Variants in SGCD observed in about 807,000 individuals in gnomAD.
The protein encoded by SGCD is delta-sarcoglycan.
Under a neutral mutation model 36.6 loss-of-function variants are expected in SGCD, and 18 were observed. That is an observed-to-expected ratio of 0.49 (90% CI 0.34 to 0.73). The LOEUF (loss-of-function observed/expected upper bound fraction) is 0.73, where lower values mean the gene tolerates loss of function less well. Among genes scored for constraint, SGCD ranks in the 30% least tolerant of loss-of-function variants. The pLI is 0.01. For synonymous variants in SGCD, 133 were observed against 130.6 expected, an observed-to-expected ratio of 1.02 and a Z score of -0.12; for missense variants, 387 against 346.7, an observed-to-expected ratio of 1.12 and a Z score of -0.92.
intron 3 of SGCD, among the ~76,000 whole-genome samples, chr5:156,311,772 A>G (rs1391671507): frequency 1.3e-5 from 2 of 152,106 alleles, no homozygotes; most frequent in African/African-American, 2.4e-5. Context: ...GAAAACACTC[A>G]CCTAATATCA....
At chr5:156,095,593 G>A (rs1761355557) in intron 1 of SGCD, among the ~76,000 whole-genome samples, 1 of 152,122 alleles carries the variant, frequency 6.6e-6, no homozygotes, top group Non-Finnish European at 1.5e-5. Context: ...CTTTAGACAG[G>A]GTTACCCATT....
At chr5:155,798,013 C>G in the SGCD span, among the ~76,000 whole-genome samples, 2 of 152,138 alleles carry the variant, frequency 1.3e-5, no homozygotes, top group Admixed American at 1.3e-4. Flanking sequence ...TTGTTCCTCA[C>G]CCACTGGGAA....
chr5:156,760,029 G>T lies in SGCD; in HGVS notation c.*639G>T, dbSNP rs1757471549. 6.6e-6 allele frequency: 1 copy of T among 152,164 alleles called. No homozygotes were observed. Among genetic ancestry groups the T allele is most frequent in the African/African-American group, 2.4e-5 (1 of 41,428 alleles). The allele number at this position is 152,164 out of a possible 1,614,324, so 9.4% of individuals were successfully genotyped here. A position where few individuals can be genotyped will look rare whatever the true frequency, so the allele number is the denominator to read the frequency against. On this transcript the variant is annotated 3_prime_UTR_variant, in exon 9 of 9. Coordinates refer to ENST00000337851, the MANE Select transcript of SGCD (RefSeq NM_000337.6). Reference sequence around the variant, plus strand: ...CATATTGGGGTTTTTGTAGTTGAATGAATGAGGAGGATGAATTTCAGCAAA... The same window carrying T: ...CATATTGGGGTTTTTGTAGTTGAATTAATGAGGAGGATGAATTTCAGCAAA...
At chr5:155,991,966 T>A (rs2127564992) in intron 1 of SGCD, among the ~76,000 whole-genome samples, 1 of 152,352 alleles carries the variant, frequency 6.6e-6, no homozygotes, top group African/African-American at 2.4e-5. Flanking sequence ...CTGCCTTTCT[T>A]CATTTCTGTC....
chr5:156,204,160 A>T (rs1233941370), intron 3 of SGCD, among the ~76,000 whole-genome samples: 2 of 151,926 alleles, frequency 1.3e-5, no homozygotes, highest in Non-Finnish European at 2.9e-5. Flanking sequence ...TCTTTTCCTG[A>T]CTTACTCCTC....
chr5:156,712,969 TAG>T (rs1407807724), intron 7 of SGCD, among the ~76,000 whole-genome samples: 5 of 152,202 alleles, frequency 3.3e-5, no homozygotes, highest in African/African-American at 4.8e-5. Flanking sequence ...TGCCATCATC[TAG>T]AGAGACAAAT....
chr5:156,212,888 T>C (rs932130192), intron 3 of SGCD, among the ~76,000 whole-genome samples: 2 of 152,024 alleles, frequency 1.3e-5, no homozygotes, highest in Admixed American at 6.6e-5. Context: ...AAACAACATA[T>C]TTCTGAGCAA....
At chr5:155,967,945 C>T (rs1757935703) in intron 1 of SGCD, among the ~76,000 whole-genome samples, 1 of 151,988 alleles carries the variant, frequency 6.6e-6, no homozygotes, top group African/African-American at 2.4e-5. Flanking sequence ...CAATACATTT[C>T]AGCTTCCCAA....
chr5:156,430,947 T>G (rs901638168), intron 3 of SGCD, among the ~76,000 whole-genome samples: 4 of 152,158 alleles, frequency 2.6e-5, no homozygotes, highest in Non-Finnish European at 5.9e-5. Flanking sequence ...CAAACGATGA[T>G]TCAGGCTTCA....
chr5:155,968,914 A>T (rs1202089344), intron 1 of SGCD, among the ~76,000 whole-genome samples: 1 of 152,086 alleles, frequency 6.6e-6, no homozygotes. Flanking sequence ...GATTGTTTTA[A>T]TTAAGTGGGA....
chr5:156,398,519 TGGTAAA>T (rs1229084054), intron 3 of SGCD, among the ~76,000 whole-genome samples: 11 of 152,200 alleles, frequency 7.2e-5, no homozygotes, highest in African/African-American at 2.4e-4. Context: ...TAGTTATGCA[TGGTAAA>T]GCTGGCTATT....
chr5:156,333,260 T>C (rs1768156590), intron 2 of SGCD, among the ~76,000 whole-genome samples: 2 of 152,220 alleles, frequency 1.3e-5, no homozygotes, highest in Non-Finnish European at 2.9e-5. Flanking sequence ...TAATTTGTTG[T>C]AGCTGCTTTT....
chr5:155,954,918 G>A (rs977347936), intron 1 of SGCD, among the ~76,000 whole-genome samples: 3 of 152,114 alleles, frequency 2.0e-5, no homozygotes, highest in Non-Finnish European at 4.4e-5. Context: ...AAGAGCCAAT[G>A]GTGCAAGTTG....
At chr5:155,928,606 T>G (rs1757037947) in intron 1 of SGCD, among the ~76,000 whole-genome samples, 2 of 148,764 alleles carry the variant, frequency 1.3e-5, no homozygotes, top group Non-Finnish European at 3.0e-5. Context: ...AGGCGGAGAT[T>G]TCAGTGAGCC....
chr5:156,353,499 A>AT (rs1393786154), intron 3 of SGCD, among the ~76,000 whole-genome samples: 3 of 152,228 alleles, frequency 2.0e-5, no homozygotes, highest in African/African-American at 7.2e-5. Flanking sequence ...AGGAGACTTC[A>AT]TCCTAGCTAA....
chr5:156,708,612 T>C (rs199764577), intron 7 of SGCD, among the ~76,000 whole-genome samples: 13 of 152,288 alleles, frequency 8.5e-5, no homozygotes, highest in Non-Finnish European at 1.3e-4. Flanking sequence ...TATTGAGGAA[T>C]AGATGCTAAA....
At chr5:156,710,320 C>G (rs1013381050) in intron 7 of SGCD, among the ~76,000 whole-genome samples, 2 of 152,160 alleles carry the variant, frequency 1.3e-5, no homozygotes, top group Non-Finnish European at 1.5e-5. Context: ...TATTTTTATA[C>G]CCTGTGGCAG....
intron 3 of SGCD, among the ~76,000 whole-genome samples, chr5:156,383,859 T>C (rs1771127543): frequency 6.6e-6 from 1 of 152,138 alleles, no homozygotes; most frequent in Non-Finnish European, 1.5e-5. Context: ...AATTTGCTTG[T>C]TTTTAGGGGC....
At chr5:155,904,009 C>T (rs576181223) in intron 1 of SGCD, among the ~76,000 whole-genome samples, 14 of 152,208 alleles carry the variant, frequency 9.2e-5, no homozygotes, top group African/African-American at 3.4e-4. Context: ...AGGAGAGGTC[C>T]GGAGTATTCC....
Sources: allele counts gnomAD v4.1 joint callset (sites outside exome capture counted in the v4.1 genomes callset), GRCh38; gene constraint gnomAD v4.1.1; transcripts MANE v1.5; gene names NCBI Gene and HGNC (gene_info 2026-07-23, HGNC 2026-07-21).